The following MID1 variants were observed in gnomAD, a reference collection of about 807,000 sequenced individuals.
The protein encoded by MID1 is E3 ubiquitin-protein ligase Midline-1.
Under a neutral mutation model 40.4 loss-of-function variants are expected in MID1, and 7 were observed. The ratio of observed to expected loss-of-function variants is 0.17; its 90% CI spans 0.10 to 0.33. MID1 has a LOEUF of 0.33. Among genes scored for constraint, MID1 ranks in the 10% least tolerant of loss-of-function variants. The pLI, the probability that MID1 is intolerant of heterozygous loss-of-function variation, is 1.00. For missense variants in MID1, 367 were observed against 558.5 expected, an observed-to-expected ratio of 0.66 and a Z score of 3.46; for synonymous variants, 229 against 221.2, an observed-to-expected ratio of 1.04 and a Z score of -0.31.
intron 1 of MID1, among the ~76,000 whole-genome samples, chrX:10,791,939 T>C (rs1262156660): frequency 8.9e-6 from 1 of 111,822 alleles, no homozygotes; most frequent in African/African-American, 3.3e-5. Context: ...AAAGTGCTAT[T>C]TTAACAAATG....
intron 1 of MID1, among the ~76,000 whole-genome samples, chrX:10,775,389 T>C (rs1157064061): frequency 9.0e-6 from 1 of 110,786 alleles, no homozygotes; most frequent in Non-Finnish European, 1.9e-5. Context: ...TAGACACTGC[T>C]CCACATTAGA....
At chrX:10,503,605 A>G (rs1030055274) in intron 3 of MID1, among the ~76,000 whole-genome samples, 2 of 112,857 alleles carry the variant, frequency 1.8e-5, no homozygotes, top group Non-Finnish European at 3.7e-5. Flanking sequence ...AAGTAATAGC[A>G]GTGATATAGT....
chrX:10,762,827 T>A (rs1276940884), intron 1 of MID1, among the ~76,000 whole-genome samples: 1 of 111,729 alleles, frequency 9.0e-6, no homozygotes, highest in Non-Finnish European at 1.9e-5. Flanking sequence ...CTATCCTCCA[T>A]AAAATCCCAC....
intron 2 of MID1, 127 bp downstream of exon 2, chrX:10,566,760 TA>T: frequency 1.3e-6 from 1 of 743,297 alleles, no homozygotes; most frequent in Non-Finnish European, 2.0e-6. Flanking sequence ...AAAAACATGC[TA>T]AAACTAATCA....
At chrX:10,568,417 G>C in intron 1 of MID1, among the ~76,000 whole-genome samples, 1 of 111,976 alleles carries the variant, frequency 8.9e-6, no homozygotes. Flanking sequence ...CAATGATTTA[G>C]TTAATTAGAA....
intron 1 of MID1, among the ~76,000 whole-genome samples, chrX:10,650,700 A>C (rs1457151641): frequency 1.8e-5 from 2 of 111,915 alleles, no homozygotes; most frequent in Non-Finnish European, 3.8e-5. Context: ...AGGGTGTATA[A>C]GCATCTGTAC....
intron 2 of MID1, among the ~76,000 whole-genome samples, chrX:10,541,002 C>A (rs1186419369): frequency 8.9e-6 from 1 of 111,989 alleles, no homozygotes; most frequent in Admixed American, 9.5e-5. Context: ...CAGAGCTATG[C>A]GGGTGCTGCC....
upstream of MID1, among the ~76,000 whole-genome samples, chrX:10,621,081 A>C (rs1935928465): frequency 8.9e-6 from 1 of 112,436 alleles, no homozygotes; most frequent in African/African-American, 3.2e-5. Flanking sequence ...TAAGAAAAAT[A>C]AATCTTAATG....
chrX:10,776,125 T>A (rs910695532), intron 1 of MID1, among the ~76,000 whole-genome samples: 3 of 112,323 alleles, frequency 2.7e-5, no homozygotes, highest in Non-Finnish European at 3.8e-5. Flanking sequence ...ATCATAACCA[T>A]AAATTGCTCT....
chrX:10,724,257 C>T (rs2043376084), intron 1 of MID1, among the ~76,000 whole-genome samples: 1 of 111,125 alleles, frequency 9.0e-6, no homozygotes, highest in Non-Finnish European at 1.9e-5. Flanking sequence ...CGGGATTTCA[C>T]CTTGTTGCCC....
At chrX:10,571,336 A>C (rs1229570681) in intron 1 of MID1, among the ~76,000 whole-genome samples, 1 of 111,691 alleles carries the variant, frequency 9.0e-6, no homozygotes, top group Admixed American at 9.5e-5. Context: ...TTTTACCCAG[A>C]TTTTACAATG....
intron 1 of MID1, among the ~76,000 whole-genome samples, chrX:10,798,504 C>G (rs1222138724): frequency 8.9e-6 from 1 of 111,954 alleles, no homozygotes; most frequent in South Asian, 3.7e-4. Flanking sequence ...AGCAATTTAG[C>G]ACTTTGATCT....
chrX:10,535,679 C>T (rs35352754), intron 2 of MID1, among the ~76,000 whole-genome samples: 39,657 of 110,960 alleles, frequency 0.36, 5,503 homozygotes, highest in African/African-American at 0.43. Flanking sequence ...GGTCTGTTGA[C>T]CTTAACAGTA....
Position 10,462,428 on chromosome X carries a change from C to A in MID1, c.1286-2621G>T, listed in dbSNP as rs1213036702. 2.7e-5 allele frequency among the ~76,000 whole-genome samples: 3 copies of A among 111,591 alleles called. No homozygotes were observed. In the Admixed American group the frequency reaches 2.9e-4, roughly 11 times the overall value. On this transcript the variant is annotated intron_variant, in intron 7 of 9. Transcript: ENST00000317552. ...GTTTGCTTAAGCAAGACTTCTCTGC[C>A]TTGACACCCCACTGTGTTAGGACTC...
At chrX:10,661,702 A>G (rs1386116959) in intron 1 of MID1, among the ~76,000 whole-genome samples, 1 of 112,206 alleles carries the variant, frequency 8.9e-6, no homozygotes, top group Non-Finnish European at 1.9e-5. Context: ...TACTTGTAGA[A>G]GAATATGCTG....
At chrX:10,461,083 A>AATATATATATATATATATATATATAT (rs35175429) in intron 7 of MID1, among the ~76,000 whole-genome samples, 60 of 99,333 alleles carry the variant, frequency 6.0e-4, no homozygotes, top group African/African-American at 2.2e-3. Context: ...CAGTGAATTA[A>AATATATATATATATATATATATATAT]ATATATATAT....
At chrX:10,619,690 T>C (rs1602476490) in intron 1 of MID1, among the ~76,000 whole-genome samples, 1 of 112,461 alleles carries the variant, frequency 8.9e-6, no homozygotes, top group Non-Finnish European at 1.9e-5. Context: ...CCCCCAGCCC[T>C]TTCTCCGCTC....
intron 1 of MID1, among the ~76,000 whole-genome samples, chrX:10,808,392 C>T (rs1175117961): frequency 9.0e-6 from 1 of 111,217 alleles, no homozygotes; most frequent in Non-Finnish European, 1.9e-5. Context: ...TGTGATGACT[C>T]TATCTATGCT....
At chrX:10,686,226 C>T (rs983737564) in intron 1 of MID1, among the ~76,000 whole-genome samples, 2 of 111,189 alleles carry the variant, frequency 1.8e-5, no homozygotes, top group African/African-American at 6.6e-5. Flanking sequence ...GGTTTGGTGT[C>T]ACCATCAACC....
Sources: allele counts gnomAD v4.1 joint callset (sites outside exome capture counted in the v4.1 genomes callset), GRCh38; gene constraint gnomAD v4.1.1; transcripts MANE v1.5; gene names NCBI Gene and HGNC (gene_info 2026-07-23, HGNC 2026-07-21).